MSRA: variants seen among roughly 807,000 people sequenced by gnomAD.
MSRA encodes mitochondrial peptide methionine sulfoxide reductase.
Under a neutral mutation model 31.3 loss-of-function variants are expected in MSRA, and 54 were observed. The ratio of observed to expected loss-of-function variants is 1.73; its 90% CI spans 1.39 to 2.17. The LOEUF (loss-of-function observed/expected upper bound fraction) is 2.17. Ranked by LOEUF, MSRA falls within the 30% of genes most tolerant of loss-of-function variation. The pLI is 0.00. For synonymous variants in MSRA, 169 were observed against 116.5 expected, an observed-to-expected ratio of 1.45 and a Z score of -2.90; for missense variants, 507 against 300.9, an observed-to-expected ratio of 1.69 and a Z score of -5.07.
intron 1 of MSRA, among the ~76,000 whole-genome samples, chr8:10,081,571 C>A (rs1441657356): frequency 6.6e-6 from 1 of 152,168 alleles, no homozygotes; most frequent in Non-Finnish European, 1.5e-5. Context: ...TTCACTGCAA[C>A]CTCCGCCTCC....
At chr8:10,106,839 A>G (rs1316305988) in intron 1 of MSRA, among the ~76,000 whole-genome samples, 10 of 151,140 alleles carry the variant, frequency 6.6e-5, no homozygotes. Flanking sequence ...CCACTCACAC[A>G]CCCACCCACC....
chr8:10,394,752 A>G (rs1806988585), intron 5 of MSRA, among the ~76,000 whole-genome samples: 2 of 152,198 alleles, frequency 1.3e-5, no homozygotes, highest in Admixed American at 1.3e-4. Context: ...CTTTCTGAAC[A>G]CTTTGGTTAG....
intron 5 of MSRA, among the ~76,000 whole-genome samples, chr8:10,392,205 G>C (rs1186841493): frequency 6.6e-6 from 1 of 152,176 alleles, no homozygotes; most frequent in Non-Finnish European, 1.5e-5. Flanking sequence ...GAAGGCATCT[G>C]GGCTGGCCAG....
At chr8:10,135,496 C>G (rs192278730) in intron 1 of MSRA, among the ~76,000 whole-genome samples, 6 of 152,140 alleles carry the variant, frequency 3.9e-5, no homozygotes, top group African/African-American at 7.2e-5. Flanking sequence ...GACTTCAATT[C>G]ATAATATTGG....
chr8:10,248,121 T>C (rs886973682), intron 3 of MSRA, among the ~76,000 whole-genome samples: 1 of 152,188 alleles, frequency 6.6e-6, no homozygotes, highest in African/African-American at 2.4e-5. Flanking sequence ...AAGGCTCTGG[T>C]AAGATGCATA....
chr8:10,357,450 T>C (rs1276890579), intron 5 of MSRA, among the ~76,000 whole-genome samples: 1 of 152,202 alleles, frequency 6.6e-6, no homozygotes, highest in Non-Finnish European at 1.5e-5. Flanking sequence ...AACTCATGGA[T>C]TTACACACAT....
intron 1 of MSRA, among the ~76,000 whole-genome samples, chr8:10,091,095 A>G (rs1164029478): frequency 1.3e-5 from 2 of 152,152 alleles, no homozygotes; most frequent in Non-Finnish European, 2.9e-5. Context: ...TGAGTTTTAT[A>G]TGTTGGACTG....
intron 1 of MSRA, among the ~76,000 whole-genome samples, chr8:10,147,172 C>A (rs866349770): frequency 6.6e-6 from 1 of 152,120 alleles, no homozygotes. Context: ...GAGGGTCTGA[C>A]GGGTCCTCAG....
chr8:10,305,493 A>G (rs1377815509), intron 4 of MSRA, among the ~76,000 whole-genome samples: 2 of 143,240 alleles, frequency 1.4e-5, no homozygotes, highest in Admixed American at 7.6e-5. Flanking sequence ...GGCTCACTGC[A>G]TCCTCTGCTT....
intron 5 of MSRA, among the ~76,000 whole-genome samples, chr8:10,389,348 G>C (rs1039086169): frequency 3.3e-5 from 5 of 152,186 alleles, no homozygotes; most frequent in African/African-American, 1.2e-4. Context: ...GAGAAGCTTT[G>C]ATAAAACACT....
intron 5 of MSRA, among the ~76,000 whole-genome samples, chr8:10,413,394 T>C (rs1301643766): frequency 6.6e-6 from 1 of 152,104 alleles, no homozygotes; most frequent in Non-Finnish European, 1.5e-5. Context: ...AGAAAGTCAC[T>C]GAACAAAGGA....
At chr8:10,318,252 C>T (rs566440653) in intron 4 of MSRA, among the ~76,000 whole-genome samples, 2 of 152,294 alleles carry the variant, frequency 1.3e-5, no homozygotes, top group South Asian at 4.1e-4. Context: ...GTCTCTGATC[C>T]ATAATTTCCT....
intron 1 of MSRA, among the ~76,000 whole-genome samples, chr8:10,147,021 G>T (rs546670407): frequency 1.1e-4 from 17 of 152,204 alleles, no homozygotes; most frequent in Non-Finnish European, 2.1e-4. Context: ...TTGGGTTACC[G>T]GCAGAGGCGA....
chr8:10,283,836 T>TATACACACACACACACAC (rs1261287031), intron 3 of MSRA, among the ~76,000 whole-genome samples: 29 of 53,148 alleles, frequency 5.5e-4, no homozygotes, highest in African/African-American at 2.5e-3. Flanking sequence ...TATATATATA[T>TATACACACACACACACAC]ACACACACAC....
At chr8:10,144,218 T>C (rs1228552577) in intron 1 of MSRA, among the ~76,000 whole-genome samples, 1 of 152,216 alleles carries the variant, frequency 6.6e-6, no homozygotes, top group Non-Finnish European at 1.5e-5. Context: ...CTAGTCGTAG[T>C]GTGTCTTCAT....
intron 5 of MSRA, among the ~76,000 whole-genome samples, chr8:10,410,507 T>C (rs1271302087): frequency 6.6e-6 from 1 of 152,256 alleles, no homozygotes; most frequent in African/African-American, 2.4e-5. Flanking sequence ...ATCCATGTGA[T>C]GTATTATCTC....
intron 2 of MSRA, among the ~76,000 whole-genome samples, chr8:10,214,358 A>G (rs1484798315): frequency 6.6e-6 from 1 of 152,078 alleles, no homozygotes; most frequent in Non-Finnish European, 1.5e-5. Context: ...AATCACAAGA[A>G]ATCGTTTCCT....
intron 4 of MSRA, among the ~76,000 whole-genome samples, chr8:10,307,320 C>A (rs969922026): frequency 3.3e-5 from 5 of 152,082 alleles, no homozygotes; most frequent in Admixed American, 2.0e-4. Context: ...GTGCACGCCA[C>A]CATGCCCAAC....
At chr8:10,093,766 C>T (rs1798977390) in intron 1 of MSRA, among the ~76,000 whole-genome samples, 2 of 152,174 alleles carry the variant, frequency 1.3e-5, no homozygotes, top group South Asian at 4.1e-4. Flanking sequence ...TTCATTTCAG[C>T]TTGGTGGAAA....
Sources: gnomAD v4.1 joint callset for allele counts (sites outside exome capture counted in the v4.1 genomes callset) on GRCh38, gnomAD v4.1.1 for gene constraint, MANE v1.5 for transcripts, NCBI Gene and HGNC (gene_info 2026-07-23, HGNC 2026-07-21) for gene names.